The following KIF6 variants were observed in gnomAD, a reference collection of about 807,000 sequenced individuals.
The protein encoded by KIF6 is kinesin-like protein KIF6.
Under a neutral mutation model 112.7 loss-of-function variants are expected in KIF6, and 106 were observed. The observed-to-expected ratio is 0.94, with a 90% confidence interval of 0.80 to 1.11. The LOEUF is 1.11. KIF6 is among the 50% of genes least tolerant of loss of function. The pLI, the probability that KIF6 is intolerant of heterozygous loss-of-function variation, is 0.00. For missense variants in KIF6, 929 were observed against 964.0 expected, an observed-to-expected ratio of 0.96 and a Z score of 0.48; for synonymous variants, 339 against 339.9, an observed-to-expected ratio of 1.00 and a Z score of 0.03.
intron 13 of KIF6, among the ~76,000 whole-genome samples, chr6:39,437,562 T>C (rs1462970599): frequency 6.6e-6 from 1 of 152,206 alleles, no homozygotes; most frequent in East Asian, 1.9e-4. Context: ...TTGCTCTCTC[T>C]CTCTCTGCCA....
At chr6:39,608,549 G>T (rs139644266) in intron 6 of KIF6, among the ~76,000 whole-genome samples, 1 of 152,302 alleles carries the variant, frequency 6.6e-6, no homozygotes, top group East Asian at 1.9e-4. Flanking sequence ...CTGAAAAATT[G>T]TAAGTTGGGG....
At chr6:39,631,716 T>C (rs1561880603) in intron 5 of KIF6, among the ~76,000 whole-genome samples, 1 of 148,202 alleles carries the variant, frequency 6.7e-6, no homozygotes, top group Admixed American at 6.6e-5. Context: ...TTTTTTTTTT[T>C]GTTTTTTTGT....
Position 39,578,078 on chromosome 6 carries a change from G to A in KIF6, c.1159C>T (p.Leu387Phe), listed in dbSNP as rs145371675. ...TACTGAAGGAGCTCTGCTTCTGTGA[G>A]TGCCTCTGTCCTCTGCTCCCCAGTG... ...MVTGEQRTEA[L>F]TEAELLQLEK... Residue 387 changes from leucine to phenylalanine, a missense_variant, in exon 10 of 23, where the codon CTC (leucine) becomes TTC (phenylalanine). Around this residue, in one of 2 missense-constraint regions of KIF6, gnomAD observed 688 missense variants for 662.7 expected, o/e 1.04. Transcript: ENST00000287152. The A allele has an allele frequency of 2.5e-6, 4 of 1,613,572 alleles. No homozygotes were observed. The highest frequency in any genetic ancestry group is 3.4e-6 in the Non-Finnish European group (4 of 1,179,568).
chr6:39,577,892 C>A (rs1781057438), intron 10 of KIF6, among the ~76,000 whole-genome samples, 164 bp downstream of exon 10: 1 of 152,178 alleles, frequency 6.6e-6, no homozygotes, highest in Non-Finnish European at 1.5e-5. Flanking sequence ...CCTTATCCAG[C>A]TTTTCATGGA....
chr6:39,632,335 G>A (rs999296543), intron 5 of KIF6, among the ~76,000 whole-genome samples: 7 of 152,074 alleles, frequency 4.6e-5, no homozygotes, highest in Non-Finnish European at 1.0e-4. Context: ...ATATAGTTAA[G>A]CCTTGTATAA....
intron 6 of KIF6, among the ~76,000 whole-genome samples, chr6:39,602,482 C>T (rs528015637): frequency 8.6e-4 from 131 of 152,270 alleles, no homozygotes; most frequent in Non-Finnish European, 1.7e-3. Context: ...AGGACAGGGA[C>T]TGTGTCTTAT....
chr6:39,598,914 T>G (rs183341390), intron 6 of KIF6, among the ~76,000 whole-genome samples: 1 of 152,314 alleles, frequency 6.6e-6, no homozygotes, highest in African/African-American at 2.4e-5. Flanking sequence ...TATTATCTAT[T>G]GTTCATGAAG....
chr6:39,596,500 G>A (rs1227203594), intron 6 of KIF6, among the ~76,000 whole-genome samples: 1 of 152,058 alleles, frequency 6.6e-6, no homozygotes, highest in African/African-American at 2.4e-5. Flanking sequence ...GTTCTAATGA[G>A]GTATAGATCA....
chr6:39,573,221 G>T (rs1393308204), intron 10 of KIF6, among the ~76,000 whole-genome samples: 1 of 151,940 alleles, frequency 6.6e-6, no homozygotes, highest in East Asian at 1.9e-4. Flanking sequence ...CTGTCTCCTG[G>T]AGAGTTTGGG....
At position 39,368,627 on chromosome 6, in the gene KIF6, G is replaced by A. The variant is rs1465356934; in HGVS notation, c.1862-6109C>T. ...CTGTGAAGTCTGCCCTTTAATAACC[G>A]AAATCCATGACCTGTGCCCCAATCC... On this transcript the variant is annotated intron_variant, in intron 16 of 22. Coordinates refer to ENST00000287152, the MANE Select transcript of KIF6 (RefSeq NM_145027.6). Among the ~76,000 whole-genome samples the A allele has an allele frequency of 2.8e-4, 43 of 152,136 alleles. 1 individual carries two copies. Among genetic ancestry groups the A allele is most frequent in the Admixed American group, 2.7e-3 (41 of 15,276 alleles).
intron 10 of KIF6, among the ~76,000 whole-genome samples, chr6:39,575,018 G>A (rs1213913560): frequency 2.6e-5 from 4 of 152,004 alleles, no homozygotes; most frequent in Non-Finnish European, 4.4e-5. Context: ...TACTGTTCTT[G>A]TTTTATAGAT....
chr6:39,627,060 C>T (rs1294395821), intron 5 of KIF6, among the ~76,000 whole-genome samples: 1 of 152,148 alleles, frequency 6.6e-6, no homozygotes, highest in African/African-American at 2.4e-5. Context: ...CCAAGGGCTA[C>T]ACCTTGCCTG....
intron 16 of KIF6, among the ~76,000 whole-genome samples, chr6:39,380,090 A>G (rs1403629182): frequency 6.6e-6 from 1 of 152,252 alleles, no homozygotes; most frequent in Non-Finnish European, 1.5e-5. Context: ...TCGATAGTAC[A>G]GTAAAGTGGT....
intron 10 of KIF6, among the ~76,000 whole-genome samples, chr6:39,564,327 A>G (rs111806108): frequency 0.022 from 3,331 of 152,358 alleles, 61 homozygotes; most frequent in Non-Finnish European, 0.032. Context: ...ATAAACACAG[A>G]GGGAACCACT....
At chr6:39,349,098 T>C (rs1265038520) in intron 19 of KIF6, among the ~76,000 whole-genome samples, 1 of 152,124 alleles carries the variant, frequency 6.6e-6, no homozygotes, top group Non-Finnish European at 1.5e-5. Flanking sequence ...TTGTTGGAGG[T>C]GGTCAATAAT....
rs1220718600 is a variant in KIF6, at chr6:39,584,441, A to C, written c.1077+457T>G. 3.7e-3 allele frequency among the ~76,000 whole-genome samples: 509 copies of C among 137,194 alleles called. 38 individuals carry two copies. The highest frequency in any genetic ancestry group is 0.033 in the Admixed American group (431 of 13,220). The allele number at this position is 137,194 out of a possible 152,430, so 90.0% of individuals were successfully genotyped here. A position where few individuals can be genotyped will look rare whatever the true frequency, so the allele number is the denominator to read the frequency against. On this transcript the variant is annotated intron_variant, in intron 9 of 22. Transcript: ENST00000287152. ...CTAAAAAAAAAAAAAAAAAAAAAAA[A>C]AAAAAAAAAAAAAAAAAAAGACTAT... is the stretch of plus-strand genomic sequence containing the variant.
intron 16 of KIF6, among the ~76,000 whole-genome samples, chr6:39,375,123 A>G (rs776671407): frequency 3.3e-5 from 5 of 152,232 alleles, no homozygotes; most frequent in African/African-American, 1.2e-4. Flanking sequence ...AGAAAGACAA[A>G]TAGTGCATGA....
In KIF6 at chr6:39,383,296, A is replaced by AAGTCTTAC. The variant is rs572132088; in HGVS notation, c.1861+2318_1861+2325dup. ...TTTCTTCTAGAATTTTAACAGATTGAAGTCTTACATTTAAGTCTTTAATTC... is the reference window on the plus strand; with the variant it reads ...TTTCTTCTAGAATTTTAACAGATTGAAGTCTTACAGTCTTACATTTAAGTCTTTAATTC... On this transcript the variant is annotated intron_variant, in intron 16 of 22. Coordinates refer to ENST00000287152, the MANE Select transcript of KIF6 (RefSeq NM_145027.6). Among the ~76,000 whole-genome samples the AAGTCTTAC allele has an allele frequency of 3.9e-4, 59 of 152,312 alleles. No individual in the cohort carries two copies. In the East Asian group the frequency reaches 9.7e-3, roughly 25 times the overall value.
At chr6:39,597,727 GAT>G (rs1782350576) in intron 6 of KIF6, among the ~76,000 whole-genome samples, 1 of 152,014 alleles carries the variant, frequency 6.6e-6, no homozygotes, top group African/African-American at 2.4e-5. Flanking sequence ...GATACTTTAA[GAT>G]ATAAAACACA....
Sources: gnomAD v4.1 joint callset for allele counts (sites outside exome capture counted in the v4.1 genomes callset) on GRCh38, gnomAD v4.1.1 for gene constraint, gnomAD v4.1.1 regional missense constraint, MANE v1.5 for transcripts, NCBI Gene and HGNC (gene_info 2026-07-23, HGNC 2026-07-21) for gene names.